Variants in C2CD3 observed in about 807,000 individuals in gnomAD.
C2CD3 encodes C2 domain containing 3 centriole elongation regulator.
A neutral mutation model predicts 234.0 loss-of-function variants in C2CD3; 148 were observed. That is an observed-to-expected ratio of 0.63 (90% CI 0.55 to 0.72). The LOEUF (loss-of-function observed/expected upper bound fraction) is 0.72. Ranked by LOEUF, C2CD3 falls within the 30% of genes least tolerant of loss-of-function variation. The pLI, the probability that C2CD3 is intolerant of heterozygous loss-of-function variation, is 0.00. For missense variants in C2CD3, 2,577 were observed against 2,811.5 expected, an observed-to-expected ratio of 0.92 and a Z score of 1.89; for synonymous variants, 1,000 against 1,035.4, an observed-to-expected ratio of 0.97 and a Z score of 0.66.
rs547571496 is a variant in C2CD3 at position 74,082,879 on chromosome 11, T to C, written c.4000+2002A>G. ...TGGCCATACTGCCGAAGGTAATTTA[T>C]AGATTCAATGCCATCCCCATCAAGC... On this transcript the variant is annotated intron_variant, in intron 22 of 32. Transcript: ENST00000334126. 1.3e-4 allele frequency among the ~76,000 whole-genome samples: 20 copies of C among 152,312 alleles called. No individual in the cohort carries two copies. In the South Asian group the frequency reaches 3.7e-3, roughly 28 times the overall value.
intron 24 of C2CD3, among the ~76,000 whole-genome samples, chr11:74,072,628 G>A (rs1347048404): frequency 6.6e-6 from 1 of 152,086 alleles, no homozygotes; most frequent in Non-Finnish European, 1.5e-5. Flanking sequence ...TCACACATAT[G>A]TACACATACA....
rs927069098 is a variant in C2CD3 at position 74,161,813 on chromosome 11, CT to C, written c.326-258del. On this transcript the variant is annotated intron_variant, in intron 2 of 32. Coordinates refer to ENST00000334126, the MANE Select transcript of C2CD3 (RefSeq NM_001286577.2). Reference sequence around the variant, plus strand: ...ACATTCCTTTTTCCATGAAGTTCTACTTTTTTTTTTTTTTTTTTTTTCTTGA... The same window carrying C: ...ACATTCCTTTTTCCATGAAGTTCTACTTTTTTTTTTTTTTTTTTTTCTTGA... Among the ~76,000 whole-genome samples, 719 of 131,882 alleles carry C rather than the reference CT, an allele frequency of 5.5e-3. 5 individuals are homozygous for C. The highest frequency in any genetic ancestry group is 0.013 in the African/African-American group (477 of 35,888). 86.5% of individuals were successfully genotyped at this position (131,882 alleles called of 152,430 possible).
chr11:74,145,452 G>A (rs966733041), intron 3 of C2CD3, among the ~76,000 whole-genome samples: 1 of 151,994 alleles, frequency 6.6e-6, no homozygotes, highest in Non-Finnish European at 1.5e-5. Context: ...TATAGATTCT[G>A]GATATTAGAC....
intron 28 of C2CD3, among the ~76,000 whole-genome samples, chr11:74,044,379 C>G (rs891585025): frequency 1.3e-5 from 2 of 151,198 alleles, no homozygotes; most frequent in Non-Finnish European, 2.9e-5. Flanking sequence ...CGCTTGAACC[C>G]GGGAGGTGGA....
intron 11 of C2CD3, 156 bp downstream of exon 11, chr11:74,113,624 G>A: frequency 3.1e-6 from 2 of 643,548 alleles, no homozygotes; most frequent in Non-Finnish European, 5.6e-6. Flanking sequence ...AGGCTGCAGT[G>A]AGCAGAGATT....
At position 74,074,591 on chromosome 11, in the gene C2CD3, G is replaced by T; in HGVS notation, c.4613C>A (p.Pro1538His). The T allele has an allele frequency of 1.2e-6, 2 of 1,611,934 alleles. No individual in the cohort carries two copies. Among genetic ancestry groups the T allele is most frequent in the Non-Finnish European group, 1.7e-6 (2 of 1,178,878 alleles). The change falls in exon 24 of 33, where the codon CCT (proline) becomes CAT (histidine). Residue 1538 changes from proline (P) to histidine (H), a missense_variant. Coordinates refer to ENST00000334126, the MANE Select transcript of C2CD3 (RefSeq NM_001286577.2). ...GTTGGAAGCATTTCGTCCAAACAGA[G>T]GATACACACCTAAAAGAAGATGGAG... Reference protein sequence around the residue: ...ARTLTVSGVYPLFGRNASNLS... With the variant: ...ARTLTVSGVYHLFGRNASNLS...
In C2CD3 at chr11:74,074,437, A is replaced by T; in HGVS notation, c.4767T>A (p.Asn1589Lys). ...CTGGTGGAGAGAGCTGGACCTCATC[A>T]TTCCTTCTGGGGAGCTGCTCAGACT... is the stretch of plus-strand genomic sequence containing the variant. ...HSESEQLPRR[N>K]DEVQLSPPEV... The change falls in exon 24 of 33, where the codon AAT (asparagine) becomes AAA (lysine). Residue 1589 changes from asparagine to lysine, a missense_variant. Asn to Lys is a moderately conservative substitution (Grantham distance 94). Transcript: ENST00000334126. 1 of 1,614,188 alleles carries T rather than the reference A, an allele frequency of 6.2e-7. No homozygotes were observed. The highest frequency in any genetic ancestry group is 8.5e-7 in the Non-Finnish European group (1 of 1,180,026).
Position 74,013,322 on chromosome 11 carries a change from A to T in C2CD3, c.*63T>A. 1 of 527,288 alleles carries T rather than the reference A, an allele frequency of 1.9e-6. No homozygotes were observed. The highest frequency in any genetic ancestry group is 3.2e-6 in the Non-Finnish European group (1 of 317,388). The allele number at this position is 527,288 out of a possible 1,614,324, so 32.7% of individuals were successfully genotyped here. ...AGGAGCCAGACCTGGTGCCTCCTGC[A>T]AGCTGGACAAAGCTGACGGAGGGTG... On this transcript the variant is annotated 3_prime_UTR_variant, in exon 33 of 33. Transcript: ENST00000334126.
rs1325082152 is a variant in C2CD3, at chr11:74,123,087, TGGA to T, written c.1263_1265del (p.Pro422del). 6.2e-7 allele frequency: 1 copy of T among 1,612,960 alleles called. No homozygotes were observed. The highest frequency in any genetic ancestry group is 1.3e-5 in the African/African-American group (1 of 75,036). On this transcript the variant is annotated inframe_deletion, in exon 8 of 33. Transcript: ENST00000334126. ...CATCACTCCCAGGAGATGGGGAATCTGGAGGAGAGCCTAGCCCATCCCAGAAAT... is the reference window on the plus strand; with the variant it reads ...CATCACTCCCAGGAGATGGGGAATCTGGAGAGCCTAGCCCATCCCAGAAAT...
At chr11:74,128,249 TA>T in intron 7 of C2CD3, among the ~76,000 whole-genome samples, 1 of 152,360 alleles carries the variant, frequency 6.6e-6, no homozygotes, top group East Asian at 1.9e-4. Context: ...GTTCCTTAAT[TA>T]TTAAGTCATA....
chr11:74,029,551 CA>C (rs1302280314), intron 31 of C2CD3, among the ~76,000 whole-genome samples: 6 of 152,256 alleles, frequency 3.9e-5, no homozygotes, highest in Non-Finnish European at 7.3e-5. Flanking sequence ...AGGCCTTCTG[CA>C]GAGGCCCAGG....
intron 30 of C2CD3, 200 bp from the exon 31 acceptor site, chr11:74,034,478 C>G: frequency 6.4e-7 from 1 of 1,571,438 alleles, no homozygotes; most frequent in South Asian, 1.2e-5. Flanking sequence ...ATCAGAGGAC[C>G]AGAATCTAAT....
intron 22 of C2CD3, 22 bp from the exon 23 acceptor site, chr11:74,078,739 T>C: frequency 6.4e-7 from 1 of 1,553,938 alleles, no homozygotes. Flanking sequence ...AAATAAAGAT[T>C]CTCAATTATA....
At chr11:74,053,655 A>C (rs933702891) in intron 26 of C2CD3, among the ~76,000 whole-genome samples, 1 of 152,258 alleles carries the variant, frequency 6.6e-6, no homozygotes, top group Admixed American at 6.5e-5. Context: ...AATAAGCCAG[A>C]GTCAACAGAA....
At chr11:74,089,137 A>G (rs1489189812) in intron 20 of C2CD3, among the ~76,000 whole-genome samples, 1 of 152,194 alleles carries the variant, frequency 6.6e-6, no homozygotes, top group Non-Finnish European at 1.5e-5. Context: ...TAAAATTATG[A>G]GATCACTGCT....
intron 15 of C2CD3, 43 bp from the exon 16 acceptor site, chr11:74,098,298 A>T: frequency 6.3e-7 from 1 of 1,593,776 alleles, no homozygotes. Flanking sequence ...ACAAGCATCA[A>T]TCATGTCATA....
intron 7 of C2CD3, among the ~76,000 whole-genome samples, chr11:74,124,091 G>C (rs1957317777): frequency 6.6e-6 from 1 of 151,894 alleles, no homozygotes; most frequent in African/African-American, 2.4e-5. Context: ...CAAAGTTTAG[G>C]CTCCTTGAGG....
chr11:74,078,780 T>A, intron 22 of C2CD3, 63 bp from the exon 23 acceptor site: 1 of 1,431,944 alleles, frequency 7.0e-7, no homozygotes, highest in Non-Finnish European at 9.4e-7. Context: ...ACAAGTTACT[T>A]ACTCTCCACC....
intron 28 of C2CD3, among the ~76,000 whole-genome samples, chr11:74,046,182 T>C (rs1278157662): frequency 6.6e-6 from 1 of 152,178 alleles, no homozygotes; most frequent in Non-Finnish European, 1.5e-5. Flanking sequence ...ATAATGAATA[T>C]ATCTACCATC....
Sources: allele counts gnomAD v4.1 joint callset (sites outside exome capture counted in the v4.1 genomes callset), GRCh38; gene constraint gnomAD v4.1.1; transcripts MANE v1.5; gene names NCBI Gene and HGNC (gene_info 2026-07-23, HGNC 2026-07-21).